The following CDK10 variants were observed in gnomAD, a reference collection of about 807,000 sequenced individuals.
The protein encoded by CDK10 is cyclin-dependent kinase 10.
In CDK10, 55 loss-of-function variants were observed where a neutral mutation model predicts 51.0. The observed-to-expected ratio is 1.08, with a 90% confidence interval of 0.87 to 1.35. The LOEUF is 1.35. Ranked by LOEUF, CDK10 falls within the 40% of genes most tolerant of loss-of-function variation. CDK10 has a pLI of 0.00. For missense variants in CDK10, 589 were observed against 485.1 expected (o/e 1.21, Z -2.01); for synonymous variants, 255 against 199.1 (o/e 1.28, Z -2.36).
At chr16:89,691,659 A>G (rs2060456161) in intron 4 of CDK10, 114 bp downstream of exon 4, 1 of 1,208,300 alleles carries the variant, frequency 8.3e-7, no homozygotes, top group Non-Finnish European at 1.2e-6. Context: ...CAGAGAAGAG[A>G]TGACCCCACC....
At chr16:89,694,369 G>A (rs1419079756) in intron 9 of CDK10, 137 bp downstream of exon 9, 11 of 998,818 alleles carry the variant, frequency 1.1e-5, no homozygotes, top group Admixed American at 8.1e-5. Flanking sequence ...CTCCCAGGGA[G>A]GTGGGCCTGA....
At chr16:89,694,377 T>C in intron 9 of CDK10, 145 bp downstream of exon 9, 1 of 953,022 alleles carries the variant, frequency 1.0e-6, no homozygotes, top group African/African-American at 1.6e-5. Flanking sequence ...GAGGTGGGCC[T>C]GAGCCTGGAA....
At chr16:89,692,776 G>A in intron 6 of CDK10, 4 of 342,754 alleles carry the variant, frequency 1.2e-5, no homozygotes, top group Non-Finnish European at 2.1e-5. Context: ...ACCACACCCA[G>A]GCATGCACTC....
intron 12 of CDK10, 64 bp downstream of exon 12, chr16:89,695,409 T>G: frequency 1.3e-6 from 2 of 1,551,792 alleles, no homozygotes; most frequent in Non-Finnish European, 1.8e-6. Context: ...TTGCCCGGGG[T>G]GGGTGGTGGA....
In CDK10 at chr16:89,693,502, C is replaced by T. The variant is rs1015248995; in HGVS notation, c.608+35C>T. 3.7e-6 allele frequency: 6 copies of T among 1,604,638 alleles called. No individual in the cohort carries two copies. The Admixed American group carries it at 8.3e-5, about 22-fold the overall frequency. On this transcript the variant is annotated intron_variant, in intron 8 of 12. Coordinates refer to ENST00000353379, the MANE Select transcript of CDK10 (RefSeq NM_052988.5). ...TCTGAAGCATGGTGGCCCCTGGGGACCAGGCCTGTCTGGTGGAGGTCTCCT... is the reference window on the plus strand; with the variant it reads ...TCTGAAGCATGGTGGCCCCTGGGGATCAGGCCTGTCTGGTGGAGGTCTCCT...
chr16:89,689,732 G>C (rs1195807830), intron 2 of CDK10: 2 of 173,004 alleles, frequency 1.2e-5, no homozygotes, highest in Non-Finnish European at 2.5e-5. Flanking sequence ...TGCCCAGACT[G>C]GAGTGCAGTG....
Position 89,686,690 on chromosome 16 carries a change from G to C in CDK10, c.-21G>C. 7.3e-7 allele frequency: 1 copy of C among 1,366,660 alleles called. No individual in the cohort carries two copies. Among genetic ancestry groups the C allele is most frequent in the Non-Finnish European group, 1.0e-6 (1 of 980,544 alleles). 84.7% of individuals were successfully genotyped at this position (1,366,660 alleles called of 1,614,324 possible). A position where few individuals can be genotyped will look rare whatever the true frequency, so the allele number is the denominator to read the frequency against. On this transcript the variant is annotated 5_prime_UTR_variant, in exon 1 of 13. Transcript: ENST00000353379. ...TCCGCGTCTGCGCCTGCGCGCAAGA[G>C]AGGCGGGGCCAGCGCTCGGCATGGC... is the stretch of plus-strand genomic sequence containing the variant.
In CDK10 at chr16:89,696,106, C is replaced by T. The variant is rs557251737; in HGVS notation, c.*414C>T. 2.1e-4 allele frequency: 98 copies of T among 476,722 alleles called. 2 individuals are homozygous for T. The highest frequency in any genetic ancestry group is 1.8e-3 in the South Asian group (84 of 46,712). 29.5% of individuals were successfully genotyped at this position (476,722 alleles called of 1,614,324 possible). On this transcript the variant is annotated 3_prime_UTR_variant, in exon 13 of 13. Coordinates refer to ENST00000353379, the MANE Select transcript of CDK10 (RefSeq NM_052988.5). ...ACCTTCGTATCCCCTCTCAGTCGCCCGGGGCTGTCCCGTGCATGGGTTGGC... is the reference window on the plus strand; with the variant it reads ...ACCTTCGTATCCCCTCTCAGTCGCCTGGGGCTGTCCCGTGCATGGGTTGGC...
chr16:89,694,932 G>A lies in CDK10; in HGVS notation c.794G>A (p.Gly265Asp). 6.2e-7 allele frequency: 1 copy of A among 1,612,812 alleles called. No individual in the cohort carries two copies. Among genetic ancestry groups the A allele is most frequent in the Non-Finnish European group, 8.5e-7 (1 of 1,179,988 alleles). ...CGCCTCAGCTCCTGCCTCCCATAGG[G>A]CTTTTCCAAGCTGCCACTGGTCGGC... ...LGTPSENIWP[G>D]FSKLPLVGQY... The change falls in exon 11 of 13, where the codon GGC becomes GAC. Residue 265 changes from glycine (G) to aspartate (D), a missense_variant and splice_region_variant. Physicochemically the swap from Gly to Asp is moderately conservative, Grantham distance 94. Coordinates refer to ENST00000353379, the MANE Select transcript of CDK10 (RefSeq NM_052988.5).
chr16:89,696,268 C>T lies in CDK10; in HGVS notation c.*576C>T, dbSNP rs1034937782. On this transcript the variant is annotated 3_prime_UTR_variant, in exon 13 of 13. Coordinates refer to ENST00000353379, the MANE Select transcript of CDK10 (RefSeq NM_052988.5). The stretch of plus-strand genomic sequence containing the variant: ...CTGGAGGCTGAGCTGCATCCCTGCT[C>T]CCCACATGGAGGACCCAACAGGAGG... 1.3e-5 allele frequency: 3 copies of T among 232,946 alleles called. No individual in the cohort carries two copies. Among genetic ancestry groups the T allele is most frequent in the South Asian group, 1.4e-4 (2 of 14,514 alleles). 14.4% of individuals were successfully genotyped at this position (232,946 alleles called of 1,614,324 possible).
intron 1 of CDK10, chr16:89,687,083 C>A (rs2060226173): frequency 6.4e-6 from 2 of 311,208 alleles, no homozygotes; most frequent in Non-Finnish European, 1.2e-5. Context: ...GGATCCAGCT[C>A]GGGCGCTGCT....
Position 89,694,185 on chromosome 16 carries a change from T to C in CDK10, c.621T>C (p.Pro207=). 1 of 1,614,030 alleles carries C rather than the reference T, an allele frequency of 6.2e-7. No homozygotes were observed. The highest frequency in any genetic ancestry group is 8.5e-7 in the Non-Finnish European group (1 of 1,179,986). The change falls in exon 9 of 13, where the codon CCT becomes CCC. Residue 207 remains proline (P), a synonymous_variant. Transcript: ENST00000353379. ...CTTCTGTGTGTAGGTACCGAGCCCC[T>C]GAACTGCTGTTGGGAACCACCACGC... ...PKVVTLWYRA[P]ELLLGTTTQT...
At chr16:89,690,440 T>G (rs1304439757) in intron 2 of CDK10, 113 bp from the exon 3 acceptor site, 9 of 828,284 alleles carry the variant, frequency 1.1e-5, no homozygotes, top group East Asian at 2.5e-5. Context: ...GGCATGAGGT[T>G]GTCAGAGGAA....
chr16:89,695,110 CACACT>C, intron 11 of CDK10, 40 bp downstream of exon 11: 1 of 1,594,908 alleles, frequency 6.3e-7, no homozygotes, highest in Admixed American at 1.7e-5. Flanking sequence ...CCTCACCACC[CACACT>C]GTCCAGACCG....
chr16:89,691,848 C>T lies in CDK10; in HGVS notation c.378C>T (p.Ser126=). ...GTTACTGTGAGCAGGACCTGGCCAG[C>T]CTCCTGGAGAATATGCCAACACCCT... ...VMGYCEQDLA[S]LLENMPTPFS... Residue 126 remains serine (S), a synonymous_variant, in exon 5 of 13, where the codon AGC becomes AGT. Coordinates refer to ENST00000353379, the MANE Select transcript of CDK10 (RefSeq NM_052988.5). The T allele has an allele frequency of 6.2e-7, 1 of 1,614,014 alleles. No individual in the cohort carries two copies. The highest frequency in any genetic ancestry group is 8.5e-7 in the Non-Finnish European group (1 of 1,179,980).
At chr16:89,689,122 A>G in intron 1 of CDK10, 130 bp from the exon 2 acceptor site, 1 of 781,686 alleles carries the variant, frequency 1.3e-6, no homozygotes, top group Non-Finnish European at 2.2e-6. Flanking sequence ...AAAAAGCCCA[A>G]ACGTGTGGTT....
intron 11 of CDK10, 91 bp downstream of exon 11, chr16:89,695,161 C>G: frequency 6.5e-7 from 1 of 1,542,262 alleles, no homozygotes; most frequent in Non-Finnish European, 8.8e-7. Context: ...GTGGAGAGGC[C>G]CCTCCCCAGG....
rs770879994 is a variant in CDK10, at chr16:89,695,617, G to A, written c.1008G>A (p.Pro336=). The A allele has an allele frequency of 2.6e-5, 42 of 1,605,462 alleles. No individual in the cohort carries two copies. Among genetic ancestry groups the A allele is most frequent in the Non-Finnish European group, 3.1e-5 (37 of 1,177,574 alleles). The change falls in exon 13 of 13, where the codon CCG becomes CCA. Residue 336 remains proline (P), a synonymous_variant. Coordinates refer to ENST00000353379, the MANE Select transcript of CDK10 (RefSeq NM_052988.5). The stretch of plus-strand genomic sequence containing the variant: ...CAGCCTGTGAGCCGGAGCTCATGCC[G>A]ACCTTTCCCCACCACCGCAACAAGC... The part of the protein sequence containing the change: ...KPLPCEPELM[P]TFPHHRNKRA...
intron 1 of CDK10, among the ~76,000 whole-genome samples, chr16:89,688,602 GTCCC>G (rs1362652355): frequency 2.0e-5 from 3 of 152,166 alleles, no homozygotes; most frequent in African/African-American, 7.2e-5. Flanking sequence ...AAGTCACACG[GTCCC>G]TTCAGCTCAC....
Sources: gnomAD v4.1 joint callset for allele counts (sites outside exome capture counted in the v4.1 genomes callset) on GRCh38, gnomAD v4.1.1 for gene constraint, MANE v1.5 for transcripts, NCBI Gene and HGNC (gene_info 2026-07-23, HGNC 2026-07-21) for gene names.